CNTN5: variants seen among roughly 807,000 people sequenced by gnomAD.
CNTN5 encodes the protein contactin 5.
Under a neutral mutation model 129.1 loss-of-function variants are expected in CNTN5, and 77 were observed. The ratio of observed to expected loss-of-function variants is 0.60; its 90% confidence interval spans 0.50 to 0.72. The LOEUF is 0.72. Ranked by LOEUF, CNTN5 falls within the 30% of genes least tolerant of loss-of-function variation. The pLI, the probability that CNTN5 is intolerant of heterozygous loss-of-function variation, is 0.00. For synonymous variants in CNTN5, 509 were observed against 465.6 expected (o/e 1.09, Z -1.20); for missense variants, 1,478 against 1,328.8 (o/e 1.11, Z -1.75).
intron 2 of CNTN5, among the ~76,000 whole-genome samples, chr11:99,355,634 AACATT>A (rs1332634596): frequency 2.0e-5 from 3 of 152,054 alleles, no homozygotes; most frequent in Admixed American, 1.3e-4. Context: ...GCTTGTGATA[AACATT>A]ACCAAAATTT....
At chr11:99,058,781 A>T (rs1864742054) in intron 1 of CNTN5, among the ~76,000 whole-genome samples, 1 of 151,768 alleles carries the variant, frequency 6.6e-6, no homozygotes, top group African/African-American at 2.4e-5. Context: ...TCTGAGCAGG[A>T]GGCGAGGAAA....
At chr11:99,345,548 A>C (rs1057308137) in intron 2 of CNTN5, among the ~76,000 whole-genome samples, 4 of 152,106 alleles carry the variant, frequency 2.6e-5, no homozygotes, top group African/African-American at 4.8e-5. Context: ...CAAATTTTAC[A>C]AAAAAGGAAT....
chr11:99,664,548 T>A (rs1445678731), intron 3 of CNTN5, among the ~76,000 whole-genome samples: 1 of 152,180 alleles, frequency 6.6e-6, no homozygotes, highest in East Asian at 1.9e-4. Flanking sequence ...ATGGCATTTT[T>A]CGCTATAGCC....
At position 99,449,014 on chromosome 11, in the gene CNTN5, C is replaced by T. The variant is rs1591076517; in HGVS notation, c.-70-107131C>T. ...CCCAGGCTGGTCTGGAACTACTGAG[C>T]TCAAGCGATTCGCCTGTCTTGGTCT... On this transcript the variant is annotated intron_variant, in intron 2 of 24. Transcript: ENST00000524871. Among the ~76,000 whole-genome samples the T allele has an allele frequency of 2.6e-5, 4 of 152,076 alleles. No individual in the cohort carries two copies. The South Asian group carries it at 8.3e-4, about 32-fold the overall frequency.
chr11:99,776,737 G>A (rs1315824151), intron 3 of CNTN5, among the ~76,000 whole-genome samples: 7 of 151,022 alleles, frequency 4.6e-5, no homozygotes, highest in African/African-American at 1.7e-4. Flanking sequence ...TGTGGAACAC[G>A]CTTTATTACT....
At chr11:99,705,886 A>T (rs1326129052) in intron 3 of CNTN5, among the ~76,000 whole-genome samples, 1 of 151,484 alleles carries the variant, frequency 6.6e-6, no homozygotes, top group East Asian at 1.9e-4. Context: ...AGGAATACAG[A>T]CCAGTGTTAT....
chr11:99,311,348 T>C (rs770531350), intron 1 of CNTN5, among the ~76,000 whole-genome samples: 2 of 152,194 alleles, frequency 1.3e-5, no homozygotes, highest in African/African-American at 2.4e-5. Flanking sequence ...TGTCCATATA[T>C]AAGGGGTTAT....
intron 1 of CNTN5, among the ~76,000 whole-genome samples, chr11:99,042,577 G>T (rs902608460): frequency 6.6e-6 from 1 of 151,764 alleles, no homozygotes; most frequent in Admixed American, 6.6e-5. Context: ...GGGTTTCACT[G>T]TGTTAGCCAG....
chr11:99,975,180 C>CA (rs1296539018), intron 8 of CNTN5, among the ~76,000 whole-genome samples: 1 of 151,446 alleles, frequency 6.6e-6, no homozygotes. Flanking sequence ...TTTTTTTTTA[C>CA]AAAAAACATA....
intron 15 of CNTN5, among the ~76,000 whole-genome samples, chr11:100,198,403 T>C (rs545236243): frequency 7.5e-6 from 1 of 132,814 alleles, no homozygotes; most frequent in South Asian, 2.2e-4. Context: ...ATACTGTATG[T>C]ATGTCTGTCT....
At chr11:99,176,532 C>A (rs1273242512) in intron 1 of CNTN5, among the ~76,000 whole-genome samples, 2 of 152,128 alleles carry the variant, frequency 1.3e-5, no homozygotes, top group East Asian at 3.9e-4. Context: ...TCCTGTTAGA[C>A]TTCCCCATTT....
intron 2 of CNTN5, among the ~76,000 whole-genome samples, chr11:99,437,762 G>A (rs1943658247): frequency 6.6e-6 from 1 of 152,170 alleles, no homozygotes; most frequent in African/African-American, 2.4e-5. Flanking sequence ...GGCAGAGGTT[G>A]CAGTGAGCTG....
chr11:99,050,777 T>C (rs1325428724), intron 1 of CNTN5, among the ~76,000 whole-genome samples: 1 of 151,842 alleles, frequency 6.6e-6, no homozygotes. Context: ...AATAAACACA[T>C]AATTGAAAAA....
intron 3 of CNTN5, among the ~76,000 whole-genome samples, chr11:99,675,993 T>G (rs756936088): frequency 6.6e-6 from 1 of 152,178 alleles, no homozygotes. Flanking sequence ...ACTACCATCA[T>G]CTCAGAACTC....
intron 3 of CNTN5, among the ~76,000 whole-genome samples, chr11:99,583,366 T>G (rs1418517579): frequency 6.6e-6 from 1 of 152,196 alleles, no homozygotes; most frequent in Non-Finnish European, 1.5e-5. Context: ...GACAGGGACA[T>G]TTAAGTCTGC....
chr11:99,337,241 C>T (rs1866268637), intron 2 of CNTN5, among the ~76,000 whole-genome samples: 2 of 152,058 alleles, frequency 1.3e-5, no homozygotes, highest in South Asian at 2.1e-4. Flanking sequence ...TTAAATAGTG[C>T]AGAGACCAGC....
chr11:100,124,508 C>T (rs1035271793), intron 13 of CNTN5, among the ~76,000 whole-genome samples: 3 of 151,836 alleles, frequency 2.0e-5, no homozygotes, highest in African/African-American at 7.3e-5. Flanking sequence ...CAGGGAGAAG[C>T]CACCAGGAAA....
intron 9 of CNTN5, among the ~76,000 whole-genome samples, chr11:100,045,224 G>A (rs1942605351): frequency 6.6e-6 from 1 of 152,016 alleles, no homozygotes; most frequent in Admixed American, 6.6e-5. Flanking sequence ...AGCTTAAAAT[G>A]GTTAGGCAGA....
chr11:99,859,149 T>A (rs984632605), intron 6 of CNTN5, among the ~76,000 whole-genome samples: 5 of 152,228 alleles, frequency 3.3e-5, no homozygotes, highest in African/African-American at 1.2e-4. Flanking sequence ...TGCATGTGAT[T>A]GATCTCTAAA....
Sources: gnomAD v4.1 joint callset for allele counts (sites outside exome capture counted in the v4.1 genomes callset) on GRCh38, gnomAD v4.1.1 for gene constraint, MANE v1.5 for transcripts, NCBI Gene and HGNC (gene_info 2026-07-23, HGNC 2026-07-21) for gene names.